Variants in MPPED2 observed in about 807,000 individuals in gnomAD.
MPPED2 encodes the protein metallophosphoesterase MPPED2.
A neutral mutation model predicts 33.0 loss-of-function variants in MPPED2; 5 were observed. The ratio of observed to expected loss-of-function variants is 0.15; its 90% CI spans 0.08 to 0.32. The LOEUF (loss-of-function observed/expected upper bound fraction) is 0.32. MPPED2 is among the 10% of genes least tolerant of loss of function. The pLI is 1.00. For missense variants in MPPED2, 275 were observed against 372.1 expected (o/e 0.74, Z 2.15); for synonymous variants, 136 against 141.9 (o/e 0.96, Z 0.29).
At chr11:30,578,456 T>C (rs1009393314) in intron 2 of MPPED2, among the ~76,000 whole-genome samples, 1 of 152,228 alleles carries the variant, frequency 6.6e-6, no homozygotes, top group Non-Finnish European at 1.5e-5. Context: ...AGGTATAATT[T>C]GATCCTTCAA....
intron 4 of MPPED2, among the ~76,000 whole-genome samples, chr11:30,430,297 T>G (rs947563879): frequency 1.3e-5 from 2 of 152,152 alleles, no homozygotes; most frequent in African/African-American, 4.8e-5. Flanking sequence ...AAAACGGAGA[T>G]GTGCTGTGAG....
At position 30,398,111 on chromosome 11, in the gene MPPED2, C is replaced by T. The variant is rs563951070; in HGVS notation, c.767-9155G>A. On this transcript the variant is annotated intron_variant, in intron 6 of 6. Transcript: ENST00000448418. ...TGGTACTAATGATTCCTATCAGTAC[C>T]TCAAGGGCTATGAATTATCACAGCT... Among the ~76,000 whole-genome samples, 6 of 152,202 alleles carry T rather than the reference C, an allele frequency of 3.9e-5. No homozygotes were observed. The East Asian group carries it at 5.8e-4, about 15-fold the overall frequency.
intron 4 of MPPED2, among the ~76,000 whole-genome samples, chr11:30,448,619 A>C (rs1480363951): frequency 6.6e-6 from 1 of 152,224 alleles, no homozygotes; most frequent in African/African-American, 2.4e-5. Context: ...GATGAAAGGC[A>C]AAGGATTAAC....
intron 2 of MPPED2, among the ~76,000 whole-genome samples, chr11:30,568,189 T>G (rs980100827): frequency 6.6e-6 from 1 of 152,186 alleles, no homozygotes; most frequent in Non-Finnish European, 1.5e-5. Flanking sequence ...TTTTGAAGCA[T>G]ATATGATTAT....
At position 30,564,373 on chromosome 11, in the gene MPPED2, A is replaced by G. The variant is rs558081947; in HGVS notation, c.128+15873T>C. On this transcript the variant is annotated intron_variant, in intron 2 of 6. Coordinates refer to ENST00000358117, the MANE Select transcript of MPPED2 (RefSeq NM_001584.3). ...CGATAACACCAAATGAAACACTTCTATAGAACTTACTACGTCCCCAGAAAA... is the reference window on the plus strand; with the variant it reads ...CGATAACACCAAATGAAACACTTCTGTAGAACTTACTACGTCCCCAGAAAA... Among the ~76,000 whole-genome samples the G allele has an allele frequency of 2.6e-5, 4 of 152,322 alleles. No homozygotes were observed. In the South Asian group the frequency reaches 8.3e-4, roughly 32 times the overall value.
At chr11:30,560,499 C>T (rs77350081) in intron 2 of MPPED2, among the ~76,000 whole-genome samples, 1 of 152,100 alleles carries the variant, frequency 6.6e-6, no homozygotes, top group Admixed American at 6.6e-5. Flanking sequence ...CCATTTACCC[C>T]CTACTGAACC....
chr11:30,493,376 A>G (rs1447717079), intron 4 of MPPED2, among the ~76,000 whole-genome samples: 1 of 151,706 alleles, frequency 6.6e-6, no homozygotes, highest in Non-Finnish European at 1.5e-5. Flanking sequence ...GTCTCAAAAA[A>G]AAAAAAAAAA....
chr11:30,449,401 C>G (rs1020080330), intron 4 of MPPED2, among the ~76,000 whole-genome samples: 6 of 152,276 alleles, frequency 3.9e-5, no homozygotes, highest in Admixed American at 1.3e-4. Context: ...AATCCCAGCC[C>G]TTTGGGAGGC....
At chr11:30,564,804 G>A (rs913824518) in intron 2 of MPPED2, among the ~76,000 whole-genome samples, 1 of 152,144 alleles carries the variant, frequency 6.6e-6, no homozygotes, top group African/African-American at 2.4e-5. Context: ...ATGAGGGAGA[G>A]AGTCCTTGAA....
intron 1 of MPPED2, among the ~76,000 whole-genome samples, chr11:30,581,233 C>T (rs143003743): frequency 1.7e-4 from 26 of 152,274 alleles, no homozygotes; most frequent in East Asian, 3.9e-4. Context: ...CTTCAAGCCC[C>T]GATGGAGCGG....
intron 4 of MPPED2, among the ~76,000 whole-genome samples, chr11:30,478,221 T>C (rs1032954026): frequency 2.5e-4 from 38 of 152,254 alleles, no homozygotes; most frequent in African/African-American, 7.0e-4. Flanking sequence ...TATTTATAGT[T>C]ATTTGCAGGA....
At position 30,482,196 on chromosome 11, in the gene MPPED2, G is replaced by A. The variant is rs1006336214; in HGVS notation, c.536+13100C>T. On this transcript the variant is annotated intron_variant, in intron 4 of 6. Transcript: ENST00000358117. ...AAAAGAACATTCATAAGAGAAAATC[G>A]CTGTTATAACTTGTGGTGTATTATC... 2.6e-5 allele frequency among the ~76,000 whole-genome samples: 4 copies of A among 152,066 alleles called. No homozygotes were observed. The South Asian group carries it at 6.2e-4, about 24-fold the overall frequency.
At chr11:30,530,243 G>A (rs1565157181) in intron 3 of MPPED2, among the ~76,000 whole-genome samples, 1 of 152,214 alleles carries the variant, frequency 6.6e-6, no homozygotes, top group Non-Finnish European at 1.5e-5. Context: ...GAAGGGGAGG[G>A]AAGGATTAGG....
intron 4 of MPPED2, among the ~76,000 whole-genome samples, chr11:30,487,272 A>G (rs1480172638): frequency 6.6e-6 from 1 of 152,194 alleles, no homozygotes; most frequent in Non-Finnish European, 1.5e-5. Flanking sequence ...GTGTGGGCCC[A>G]TGGCAGGTCT....
At chr11:30,444,946 A>T (rs1019524043) in intron 4 of MPPED2, among the ~76,000 whole-genome samples, 1 of 152,196 alleles carries the variant, frequency 6.6e-6, no homozygotes, top group Non-Finnish European at 1.5e-5. Flanking sequence ...CCACATTGGG[A>T]TAAAAGAACA....
At chr11:30,407,352 A>G (rs1006090162), downstream of MPPED2, among the ~76,000 whole-genome samples, 11 of 152,202 alleles carry the variant, frequency 7.2e-5, no homozygotes, top group Admixed American at 2.6e-4. Context: ...CTTCTAAGCA[A>G]CTTGAAAGAG....
intron 4 of MPPED2, among the ~76,000 whole-genome samples, chr11:30,467,543 A>G (rs564771498): frequency 1.0e-3 from 157 of 152,178 alleles, no homozygotes; most frequent in African/African-American, 3.3e-3. Context: ...GCCAGTGTGG[A>G]CCACAGTCCA....
chr11:30,560,833 A>C (rs1163093896), intron 2 of MPPED2, among the ~76,000 whole-genome samples: 1 of 151,922 alleles, frequency 6.6e-6, no homozygotes, highest in East Asian at 1.9e-4. Context: ...ATAGTCATGC[A>C]AAAATCATGC....
chr11:30,416,023 C>G (rs945825367), intron 5 of MPPED2, among the ~76,000 whole-genome samples: 5 of 152,304 alleles, frequency 3.3e-5, no homozygotes, highest in African/African-American at 9.6e-5. Flanking sequence ...ATGCTGATCA[C>G]AATATTTAGC....
Sources: gnomAD v4.1 joint callset for allele counts (sites outside exome capture counted in the v4.1 genomes callset) on GRCh38, gnomAD v4.1.1 for gene constraint, MANE v1.5 for transcripts, NCBI Gene and HGNC (gene_info 2026-07-23, HGNC 2026-07-21) for gene names.